NIBAN1: variants seen among roughly 807,000 people sequenced by gnomAD.
NIBAN1 encodes the protein niban apoptosis regulator 1, also known as protein Niban 1.
In NIBAN1, 81 loss-of-function variants were observed where a neutral mutation model predicts 75.1. The observed-to-expected ratio is 1.08, with a 90% CI of 0.90 to 1.30. NIBAN1 has a LOEUF of 1.30. Among genes scored for constraint, NIBAN1 ranks in the 50% most tolerant of loss-of-function variants. The probability of loss-of-function intolerance (pLI) is 0.00; values close to 1 mark genes in which losing one functional copy is unlikely to be tolerated. For missense variants in NIBAN1, 1,133 were observed against 1,128.1 expected (o/e 1.00, Z -0.06); for synonymous variants, 436 against 424.8 (o/e 1.03, Z -0.32).
intron 6 of NIBAN1, among the ~76,000 whole-genome samples, chr1:184,830,383 C>T (rs967832749): frequency 2.2e-4 from 34 of 152,160 alleles, no homozygotes; most frequent in African/African-American, 7.2e-4. Context: ...TTCTCTCACA[C>T]TTATGAATGG....
intron 6 of NIBAN1, among the ~76,000 whole-genome samples, chr1:184,827,294 T>C (rs539510955): frequency 6.6e-6 from 1 of 152,128 alleles, no homozygotes; most frequent in South Asian, 2.1e-4. Context: ...GAAGCTCAAG[T>C]GCATCGCATC....
chr1:184,809,739 C>T (rs536821365), intron 9 of NIBAN1, among the ~76,000 whole-genome samples: 1 of 150,600 alleles, frequency 6.6e-6, no homozygotes, highest in South Asian at 2.1e-4. Flanking sequence ...ATTCATAATG[C>T]CAGCAATATT....
intron 1 of NIBAN1, among the ~76,000 whole-genome samples, chr1:184,952,941 A>G (rs935547384): frequency 1.3e-5 from 2 of 152,234 alleles, no homozygotes; most frequent in African/African-American, 4.8e-5. Flanking sequence ...TCTCAACTCC[A>G]TAAATTATAG....
rs770987263 is a variant in NIBAN1 at position 184,795,179 on chromosome 1, T to C, written c.2585A>G (p.Gln862Arg). ...CLSESQVSEE[Q>R]EEMGGQSSAA... ...GCTGCTTTGCCCTCCCATCTCTTCT[T>C]GTTCCTCAGAAACCTGGCTCTCACT... The change falls in exon 14 of 14, where the codon CAA (glutamine) becomes CGA (arginine). Residue 862 changes from glutamine to arginine, a missense_variant. Gln to Arg is a conservative substitution (Grantham distance 43). Transcript: ENST00000367511. The C allele has an allele frequency of 1.9e-6, 3 of 1,614,210 alleles. No individual in the cohort carries two copies. In the South Asian group the frequency reaches 3.3e-5, roughly 18 times the overall value.
chr1:184,915,615 G>C (rs1045696830), intron 1 of NIBAN1, among the ~76,000 whole-genome samples: 2 of 152,156 alleles, frequency 1.3e-5, no homozygotes, highest in African/African-American at 4.8e-5. Flanking sequence ...TCTGATGATG[G>C]GTAGCTTGAA....
chr1:184,863,383 C>T (rs1049437048), intron 5 of NIBAN1, among the ~76,000 whole-genome samples: 3 of 152,194 alleles, frequency 2.0e-5, no homozygotes, highest in African/African-American at 4.8e-5. Context: ...AAAAATGCAA[C>T]GGTGTCTTCA....
intron 1 of NIBAN1, among the ~76,000 whole-genome samples, chr1:184,966,786 A>C (rs1441541158): frequency 6.6e-6 from 1 of 152,202 alleles, no homozygotes; most frequent in Non-Finnish European, 1.5e-5. Flanking sequence ...AAAAGGAAAA[A>C]GAAAAAAAAC....
chr1:184,907,252 A>G (rs891449155), intron 1 of NIBAN1, among the ~76,000 whole-genome samples: 1 of 151,904 alleles, frequency 6.6e-6, no homozygotes, highest in Non-Finnish European at 1.5e-5. Context: ...CAGATATTGC[A>G]TTTTTACTGT....
chr1:184,936,082 CTAAT>C (rs1189959313), intron 1 of NIBAN1, among the ~76,000 whole-genome samples: 2 of 151,192 alleles, frequency 1.3e-5, no homozygotes, highest in Non-Finnish European at 2.9e-5. Context: ...TTATGCTAAA[CTAAT>C]TAAGTAACAT....
At chr1:184,914,833 C>T in intron 1 of NIBAN1, among the ~76,000 whole-genome samples, 1 of 151,778 alleles carries the variant, frequency 6.6e-6, no homozygotes, top group African/African-American at 2.4e-5. Context: ...AATGATTCTC[C>T]TGCCTCAGCC....
intron 3 of NIBAN1, among the ~76,000 whole-genome samples, chr1:184,893,710 A>G (rs1441114679): frequency 6.6e-6 from 1 of 152,150 alleles, no homozygotes; most frequent in Non-Finnish European, 1.5e-5. Context: ...GAAAGACCTC[A>G]AGGCTGAATG....
intron 5 of NIBAN1, among the ~76,000 whole-genome samples, chr1:184,876,224 CAAGAGAGGAGGCACA>C (rs2102294078): frequency 6.7e-6 from 1 of 148,962 alleles, no homozygotes. Context: ...ATCAAGGAAA[CAAGAGAGGAGGCACA>C]AGCAAACAAG....
At chr1:184,803,521 A>G in intron 12 of NIBAN1, 64 bp downstream of exon 12, 2 of 1,346,066 alleles carry the variant, frequency 1.5e-6, no homozygotes, top group Non-Finnish European at 2.1e-6. Flanking sequence ...ACACATCACA[A>G]AAGAACTTGT....
At chr1:184,831,302 T>G (rs1265533618) in intron 6 of NIBAN1, among the ~76,000 whole-genome samples, 2 of 152,210 alleles carry the variant, frequency 1.3e-5, no homozygotes, top group Non-Finnish European at 2.9e-5. Flanking sequence ...GAATTTGTTT[T>G]TTTCATTACT....
In NIBAN1 at chr1:184,795,860, G is replaced by A; in HGVS notation, c.1904C>T (p.Ala635Val). The A allele has an allele frequency of 6.2e-7, 1 of 1,611,546 alleles. No individual in the cohort carries two copies. Among genetic ancestry groups the A allele is most frequent in the Non-Finnish European group, 8.5e-7 (1 of 1,178,510 alleles). Residue 635 changes from alanine (A) to valine (V), a missense_variant, in exon 14 of 14, where the codon GCC (alanine) becomes GTC (valine). Coordinates refer to ENST00000367511, the MANE Select transcript of NIBAN1 (RefSeq NM_052966.4). ...AGGGAGAGAAAGGCTTTCTCCTTTGGCCAACGAGCTAGGGACCTCAGGCTG... is the reference window on the plus strand; with the variant it reads ...AGGGAGAGAAAGGCTTTCTCCTTTGACCAACGAGCTAGGGACCTCAGGCTG... ...EKQPEVPSSLAKGESLSLPGP... is the reference protein window; with the variant it reads ...EKQPEVPSSLVKGESLSLPGP...
chr1:184,879,204 G>A (rs1656312603), intron 5 of NIBAN1, among the ~76,000 whole-genome samples: 1 of 152,124 alleles, frequency 6.6e-6, no homozygotes, highest in Admixed American at 6.5e-5. Context: ...TTTTATGTAT[G>A]CATTTCAACA....
chr1:184,841,897 CA>C (rs1450617602), intron 5 of NIBAN1, among the ~76,000 whole-genome samples: 1 of 152,152 alleles, frequency 6.6e-6, no homozygotes, highest in Non-Finnish European at 1.5e-5. Context: ...TATAATGTTA[CA>C]GTTATTAGTG....
intron 5 of NIBAN1, among the ~76,000 whole-genome samples, chr1:184,841,554 G>T (rs1488043123): frequency 6.6e-6 from 1 of 152,174 alleles, no homozygotes; most frequent in African/African-American, 2.4e-5. Flanking sequence ...TCACAGCCTT[G>T]GAAAGGAAAA....
intron 5 of NIBAN1, among the ~76,000 whole-genome samples, chr1:184,876,627 G>A (rs1452637494): frequency 6.6e-6 from 1 of 151,952 alleles, no homozygotes; most frequent in Non-Finnish European, 1.5e-5. Context: ...CTTGAGCCAG[G>A]GAGGCAGAGG....
Sources: gnomAD v4.1 joint callset for allele counts (sites outside exome capture counted in the v4.1 genomes callset) on GRCh38, gnomAD v4.1.1 for gene constraint, MANE v1.5 for transcripts, NCBI Gene and HGNC (gene_info 2026-07-23, HGNC 2026-07-21) for gene names.